The following SLC29A1 variants were observed in gnomAD, a reference collection of about 807,000 sequenced individuals.
SLC29A1 encodes equilibrative nucleoside transporter 1.
SLC29A1 carries 22 observed loss-of-function variants against 48.3 expected under a neutral mutation model. The observed-to-expected ratio is 0.46, with a 90% CI of 0.33 to 0.65. The LOEUF is 0.65. SLC29A1 is among the 30% of genes least tolerant of loss of function. SLC29A1 has a pLI of 0.03. For missense variants in SLC29A1, 491 were observed against 575.3 expected, an observed-to-expected ratio of 0.85 and a Z score of 1.50; for synonymous variants, 228 against 231.0, an observed-to-expected ratio of 0.99 and a Z score of 0.12.
upstream of SLC29A1, chr6:44,223,472 C>A: frequency 1.4e-6 from 1 of 695,522 alleles, no homozygotes; most frequent in Non-Finnish European, 1.6e-6. This position sits in a 1 kb window ranked among gnomAD's most constrained non-coding sequence, Gnocchi z 5.0. Context: ...GGAGTCGCCG[C>A]GGGGTGGCAG....
chr6:44,227,055 G>A, intron 1 of SLC29A1: 1 of 1,362,864 alleles, frequency 7.3e-7, no homozygotes, highest in Non-Finnish European at 9.5e-7. Flanking sequence ...GTCTGAGCAG[G>A]CAGGGGGGCC....
rs1456884544 is a variant in SLC29A1, at chr6:44,233,377, A to G, written c.1260-40A>G. ...ACCCAGAGGCTCTGGGCTGGGGTAC[A>G]GCCATTCTGAGGTAGCCTTGCCCTT... On this transcript the variant is annotated intron_variant, in intron 12 of 12. Coordinates refer to ENST00000371755, the MANE Select transcript of SLC29A1 (RefSeq NM_001372327.1). The G allele has an allele frequency of 3.9e-6, 6 of 1,529,620 alleles. No homozygotes were observed. In the South Asian group the frequency reaches 6.7e-5, roughly 17 times the overall value. The allele number at this position is 1,529,620 out of a possible 1,614,324, so 94.8% of individuals were successfully genotyped here.
At chr6:44,222,005 C>T (rs1378131271), upstream of SLC29A1, among the ~76,000 whole-genome samples, 1 of 152,152 alleles carries the variant, frequency 6.6e-6, no homozygotes, top group Non-Finnish European at 1.5e-5. Flanking sequence ...CCTGGCAGAT[C>T]TTCTGACCAC....
chr6:44,230,304 ACCAGC>A, intron 5 of SLC29A1, 38 bp from the exon 6 acceptor site: 1 of 1,590,978 alleles, frequency 6.3e-7, no homozygotes, highest in East Asian at 2.2e-5. Context: ...ACCCCCAACC[ACCAGC>A]CCTAGCTCCC....
At position 44,232,232 on chromosome 6, in the gene SLC29A1, T is replaced by C; in HGVS notation, c.974-111T>C. ...TGGGTCCATTTGCCCTTCCCTGGGC[T>C]GGAAGCATCTTCTCCATTTTACTGT... On this transcript the variant is annotated intron_variant, in intron 10 of 12. Coordinates refer to ENST00000371755, the MANE Select transcript of SLC29A1 (RefSeq NM_001372327.1). The surrounding 1 kb of genome is among the most constrained non-coding windows in gnomAD (Gnocchi z 4.7). 1 of 1,142,090 alleles carries C rather than the reference T, an allele frequency of 8.8e-7. No individual in the cohort carries two copies. Among genetic ancestry groups the C allele is most frequent in the East Asian group, 2.3e-5 (1 of 42,658 alleles). The allele number at this position is 1,142,090 out of a possible 1,614,324, so 70.7% of individuals were successfully genotyped here.
chr6:44,228,418 G>T (rs536142149), intron 2 of SLC29A1, among the ~76,000 whole-genome samples: 6 of 152,222 alleles, frequency 3.9e-5, no homozygotes, highest in Admixed American at 6.5e-5. Context: ...GAGGGGGTTG[G>T]GGGGGCTGCA....
chr6:44,231,719 C>A (rs1778929462), intron 9 of SLC29A1, among the ~76,000 whole-genome samples: 1 of 152,154 alleles, frequency 6.6e-6, no homozygotes, highest in Non-Finnish European at 1.5e-5. Flanking sequence ...ACCTCCATCT[C>A]CTGGGTTCAA....
At chr6:44,224,031 CG>C in intron 1 of SLC29A1, 4 of 39,136 alleles carry the variant, frequency 1.0e-4, no homozygotes, top group Non-Finnish European at 1.2e-4. Flanking sequence ...GATGGAGGCT[CG>C]CGAGCGGAGG....
chr6:44,233,653 G>A lies in SLC29A1; in HGVS notation c.*125G>A, dbSNP rs930632954. 8 of 748,292 alleles carry A rather than the reference G, an allele frequency of 1.1e-5. No homozygotes were observed. Among genetic ancestry groups the A allele is most frequent in the Non-Finnish European group, 1.8e-5 (8 of 434,296 alleles). The allele number at this position is 748,292 out of a possible 1,614,324, so 46.4% of individuals were successfully genotyped here. A position where few individuals can be genotyped will look rare whatever the true frequency, so the allele number is the denominator to read the frequency against. ...CTAACTGACTTCTGCTTTCCACGGC[G>A]TGTGCTGGGCCCGGATCTCCAGGCC... is the stretch of plus-strand genomic sequence containing the variant. On this transcript the variant is annotated 3_prime_UTR_variant, in exon 13 of 13. Transcript: ENST00000371755.
chr6:44,231,466 G>A lies in SLC29A1; in HGVS notation c.864+5G>A, dbSNP rs760410642. The A allele has an allele frequency of 1.8e-5, 28 of 1,572,066 alleles. No individual in the cohort carries two copies. The highest frequency in any genetic ancestry group is 4.5e-5 in the East Asian group (2 of 44,564). On this transcript the variant is annotated splice_donor_5th_base_variant and intron_variant, in intron 9 of 12. Coordinates refer to ENST00000371755, the MANE Select transcript of SLC29A1 (RefSeq NM_001372327.1). The stretch of plus-strand genomic sequence containing the variant: ...ATCAAAGCCATCCTGAAAAATGTAC[G>A]TAGGGGAGGTTATCCTATCTTCTAC...
At position 44,229,010 on chromosome 6, in the gene SLC29A1, A is replaced by G. The variant is rs1236440752; in HGVS notation, c.30-380A>G. ...AGCCTGCCTGGTGGGAGTGGAAGAC[A>G]CTTGCTGCTTGCTTTCTCACTCATC... On this transcript the variant is annotated intron_variant, in intron 2 of 12. Coordinates refer to ENST00000371755, the MANE Select transcript of SLC29A1 (RefSeq NM_001372327.1). The surrounding 1 kb of genome is among the most constrained non-coding windows in gnomAD (Gnocchi z 5.1). Among the ~76,000 whole-genome samples, 1 of 152,162 alleles carries G rather than the reference A, an allele frequency of 6.6e-6. No individual in the cohort carries two copies. The highest frequency in any genetic ancestry group is 1.5e-5 in the Non-Finnish European group (1 of 68,026).
At chr6:44,226,687 C>T (rs958372523) in intron 1 of SLC29A1, 17 of 967,246 alleles carry the variant, frequency 1.8e-5, no homozygotes, top group Non-Finnish European at 2.1e-5. Context: ...CCAGGGGCTC[C>T]CCAGGGAGGG....
In SLC29A1 at chr6:44,231,558, T is replaced by C. The variant is rs150921904; in HGVS notation, c.864+97T>C. The C allele has an allele frequency of 7.6e-5, 61 of 797,428 alleles. No individual in the cohort carries two copies. The East Asian group carries it at 1.6e-3, about 21-fold the overall frequency. The allele number at this position is 797,428 out of a possible 1,614,324, so 49.4% of individuals were successfully genotyped here. On this transcript the variant is annotated intron_variant, in intron 9 of 12. Coordinates refer to ENST00000371755, the MANE Select transcript of SLC29A1 (RefSeq NM_001372327.1). ...CCACCCATCTCCTCCCTTTCTGACC[T>C]GAGAGTGGTCACTCCTGGATTCTTT...
At chr6:44,230,701 GGGGTC>G in intron 7 of SLC29A1, 36 bp downstream of exon 7, 3 of 1,497,894 alleles carry the variant, frequency 2.0e-6, no homozygotes, top group Non-Finnish European at 2.8e-6. Flanking sequence ...TTGGGGTATA[GGGGTC>G]TGGGGTTCCA....
rs541058714 is a variant in SLC29A1 at position 44,231,233 on chromosome 6, G to T, written c.767-131G>T. 2.8e-5 allele frequency: 19 copies of T among 677,312 alleles called. No homozygotes were observed. The African/African-American group carries it at 3.2e-4, about 12-fold the overall frequency. 42.0% of individuals were successfully genotyped at this position (677,312 alleles called of 1,614,324 possible). ...GATTTGGAGGCGAGGTCTGGGTTAG[G>T]GTTAGAGTACGGCTGGGACTGGTTA... On this transcript the variant is annotated intron_variant, in intron 8 of 12. Coordinates refer to ENST00000371755, the MANE Select transcript of SLC29A1 (RefSeq NM_001372327.1).
rs779463988 is a variant in SLC29A1, at chr6:44,230,801, T to C, written c.688-10T>C. 2 of 1,612,814 alleles carry C rather than the reference T, an allele frequency of 1.2e-6. No homozygotes were observed. The highest frequency in any genetic ancestry group is 2.2e-5 in the South Asian group (2 of 91,060). ...CTAAATCCACCTCCCCCGTCTCCCT[T>C]ACTTGATAGGAATTCTACCGCTACT... On this transcript the variant is annotated splice_polypyrimidine_tract_variant and intron_variant, in intron 7 of 12. Transcript: ENST00000371755.
intron 7 of SLC29A1, 28 bp from the exon 8 acceptor site, chr6:44,230,783 C>T (rs1194297384): frequency 6.2e-7 from 1 of 1,601,048 alleles, no homozygotes; most frequent in South Asian, 1.1e-5. Flanking sequence ...CCTCTAAATC[C>T]ACCTCCCCCG....
At chr6:44,226,681 G>A in intron 1 of SLC29A1, 1 of 952,140 alleles carries the variant, frequency 1.1e-6, no homozygotes, top group Non-Finnish European at 1.3e-6. Context: ...ATGAATCCAG[G>A]GGCTCCCCAG....
Position 44,229,471 on chromosome 6 carries a change from G to T in SLC29A1, c.111G>T (p.Gln37His). The change falls in exon 3 of 13, where the codon CAG becomes CAT. Residue 37 changes from glutamine to histidine, a missense_variant and splice_region_variant. Physicochemically the swap from Gln to His is conservative, Grantham distance 24. Transcript: ENST00000371755. This position sits in a 1 kb window ranked among gnomAD's most constrained non-coding sequence, Gnocchi z 5.1. ...LPWNFFMTATQYFTNRLDMSQ... is the reference protein window; with the variant it reads ...LPWNFFMTATHYFTNRLDMSQ... ...GGAATTTTTTCATGACGGCCACTCA[G>T]GTGAGGCTGGAGGGACTGGGCTCCA... 1.2e-6 allele frequency: 2 copies of T among 1,613,924 alleles called. No individual in the cohort carries two copies. Among genetic ancestry groups the T allele is most frequent in the Non-Finnish European group, 1.7e-6 (2 of 1,179,772 alleles).
Sources: allele counts gnomAD v4.1 joint callset (sites outside exome capture counted in the v4.1 genomes callset), GRCh38; gene constraint gnomAD v4.1.1; non-coding constraint Gnocchi (gnomAD v3.1); transcripts MANE v1.5; gene names NCBI Gene and HGNC (gene_info 2026-07-23, HGNC 2026-07-21).